CNTLN: variants seen among roughly 807,000 people sequenced by gnomAD.
CNTLN encodes centlein, also known as centlein, centrosomal protein.
In CNTLN, 212 loss-of-function variants were observed where a neutral mutation model predicts 180.0. The ratio of observed to expected loss-of-function variants is 1.18; its 90% CI spans 1.05 to 1.32. CNTLN has a LOEUF of 1.32. CNTLN is among the 40% of genes most tolerant of loss of function. The probability of loss-of-function intolerance (pLI) is 0.00; values close to 1 mark genes in which losing one functional copy is unlikely to be tolerated. For missense variants in CNTLN, 2,095 were observed against 1,610.9 expected, an observed-to-expected ratio of 1.30 and a Z score of -5.14; for synonymous variants, 722 against 563.1, an observed-to-expected ratio of 1.28 and a Z score of -3.99.
chr9:17,162,524 A>T (rs540794007), intron 2 of CNTLN, among the ~76,000 whole-genome samples: 2 of 152,312 alleles, frequency 1.3e-5, no homozygotes, highest in African/African-American at 4.8e-5. Flanking sequence ...TTCACTAGAG[A>T]TACACTAAGC....
At chr9:17,498,165 T>C (rs1833556737) in intron 25 of CNTLN, among the ~76,000 whole-genome samples, 1 of 152,200 alleles carries the variant, frequency 6.6e-6, no homozygotes, top group African/African-American at 2.4e-5. Context: ...GTTATCCTTA[T>C]TTCCATTTTT....
chr9:17,316,613 C>A (rs1288171676), intron 8 of CNTLN, among the ~76,000 whole-genome samples: 2 of 152,014 alleles, frequency 1.3e-5, no homozygotes, highest in Non-Finnish European at 2.9e-5. Context: ...GTTGAAAAAT[C>A]ATAAGGTAAA....
At chr9:17,356,462 T>G (rs1364840424) in intron 12 of CNTLN, among the ~76,000 whole-genome samples, 4 of 152,198 alleles carry the variant, frequency 2.6e-5, no homozygotes, top group Admixed American at 6.5e-5. Flanking sequence ...CTTGAATGCT[T>G]CAGAGTCTGA....
At chr9:17,190,472 AATTTT>A (rs1368729172) in intron 2 of CNTLN, among the ~76,000 whole-genome samples, 1 of 152,096 alleles carries the variant, frequency 6.6e-6, no homozygotes, top group Non-Finnish European at 1.5e-5. Context: ...GTAAGTTTAT[AATTTT>A]AACATGGCTA....
At chr9:17,295,241 C>T (rs576264029) in intron 6 of CNTLN, among the ~76,000 whole-genome samples, 51 of 152,218 alleles carry the variant, frequency 3.4e-4, no homozygotes, top group Admixed American at 9.2e-4. Flanking sequence ...CTGAGGGAGC[C>T]GGCTCTGGCC....
At chr9:17,183,623 T>C (rs1821255367) in intron 2 of CNTLN, among the ~76,000 whole-genome samples, 1 of 152,072 alleles carries the variant, frequency 6.6e-6, no homozygotes, top group African/African-American at 2.4e-5. Context: ...ATTGATAAAG[T>C]CTTGCCTATT....
chr9:17,382,641 T>A (rs1026312611), intron 13 of CNTLN, among the ~76,000 whole-genome samples: 3 of 152,316 alleles, frequency 2.0e-5, no homozygotes, highest in Admixed American at 2.0e-4. Context: ...ACAAAAATTG[T>A]TCTAAAACCC....
At chr9:17,509,607 T>C in the CNTLN span, among the ~76,000 whole-genome samples, 1 of 152,118 alleles carries the variant, frequency 6.6e-6, no homozygotes, top group East Asian at 1.9e-4. Context: ...AGATAGGAAG[T>C]AAAACTTTGC....
At chr9:17,327,489 C>CT (rs35237954) in intron 8 of CNTLN, among the ~76,000 whole-genome samples, 3,038 of 133,566 alleles carry the variant, frequency 0.023, 85 homozygotes, top group African/African-American at 0.069. Context: ...CAGCTGTTTC[C>CT]TTTTTTTTTT....
At chr9:17,315,126 C>T (rs1209477521) in intron 8 of CNTLN, among the ~76,000 whole-genome samples, 1 of 151,984 alleles carries the variant, frequency 6.6e-6, no homozygotes, top group Non-Finnish European at 1.5e-5. Context: ...GGATCTTTTG[C>T]CTTTTGCCTT....
At chr9:17,266,599 C>G (rs1473635831) in intron 5 of CNTLN, among the ~76,000 whole-genome samples, 1 of 152,042 alleles carries the variant, frequency 6.6e-6, no homozygotes, top group Non-Finnish European at 1.5e-5. Flanking sequence ...TCCTTGTTAA[C>G]TTTCTGTCTC....
chr9:17,309,862 T>C (rs1413248085), intron 8 of CNTLN, among the ~76,000 whole-genome samples: 1 of 152,098 alleles, frequency 6.6e-6, no homozygotes, highest in Non-Finnish European at 1.5e-5. Flanking sequence ...AAAATCTCTG[T>C]GAATTTATTT....
At chr9:17,438,671 T>G (rs572220763) in intron 18 of CNTLN, among the ~76,000 whole-genome samples, 1 of 152,224 alleles carries the variant, frequency 6.6e-6, no homozygotes, top group African/African-American at 2.4e-5. Flanking sequence ...AATTTGTTAG[T>G]GAACTGGAAA....
chr9:17,415,413 T>G (rs571650386), intron 16 of CNTLN, among the ~76,000 whole-genome samples: 1 of 152,298 alleles, frequency 6.6e-6, no homozygotes, highest in African/African-American at 2.4e-5. Flanking sequence ...ACTCCTAAGT[T>G]TTTAAGCTAT....
Position 17,342,324 on chromosome 9 carries a change from G to T in CNTLN, c.1767-1G>T, listed in dbSNP as rs749563309. 2.0e-5 allele frequency: 33 copies of T among 1,610,924 alleles called. No individual in the cohort carries two copies. The highest frequency in any genetic ancestry group is 5.0e-5 in the Admixed American group (3 of 59,660). On this transcript the variant is annotated splice_acceptor_variant, in intron 11 of 25. Coordinates refer to ENST00000380647, the MANE Select transcript of CNTLN (RefSeq NM_017738.4). LOFTEE classifies it high-confidence loss of function. ...AAAAAGCAACTTTGTTTTAAAAATA[G>T]GACTGAAATCAGGAAAATAAAGAGA...
chr9:17,347,906 A>C (rs1272076772), intron 12 of CNTLN, among the ~76,000 whole-genome samples: 1 of 152,036 alleles, frequency 6.6e-6, no homozygotes, highest in East Asian at 1.9e-4. Flanking sequence ...ATCTTGGCTC[A>C]CTGCAACCCC....
Position 17,301,396 on chromosome 9 carries a change from T to C in CNTLN, c.1146+3044T>C, listed in dbSNP as rs768108605. On this transcript the variant is annotated intron_variant, in intron 7 of 25. Coordinates refer to ENST00000380647, the MANE Select transcript of CNTLN (RefSeq NM_017738.4). ...GGTTATGTTGTGTTTGTGAATGATA[T>C]TGAGGCAGAATAAAAATAAAAGAGA... is the stretch of plus-strand genomic sequence containing the variant. 5.0e-5 allele frequency: 49 copies of C among 985,390 alleles called. No homozygotes were observed. In the East Asian group the frequency reaches 9.1e-4, roughly 18 times the overall value. 61.0% of individuals were successfully genotyped at this position (985,390 alleles called of 1,614,324 possible).
At chr9:17,164,119 C>T (rs918594916) in intron 2 of CNTLN, among the ~76,000 whole-genome samples, 1 of 151,962 alleles carries the variant, frequency 6.6e-6, no homozygotes, top group Admixed American at 6.5e-5. Context: ...CAAGACCAGC[C>T]TGTCCAACAT....
intron 5 of CNTLN, among the ~76,000 whole-genome samples, chr9:17,262,531 A>G (rs1311473672): frequency 6.6e-6 from 1 of 151,500 alleles, no homozygotes; most frequent in Non-Finnish European, 1.5e-5. Context: ...CAATGAGAAC[A>G]CATGAACACA....
Sources: allele counts gnomAD v4.1 joint callset (sites outside exome capture counted in the v4.1 genomes callset), GRCh38; gene constraint gnomAD v4.1.1; transcripts MANE v1.5; gene names NCBI Gene and HGNC (gene_info 2026-07-23, HGNC 2026-07-21).